Variants in JAZF1 observed in about 807,000 individuals in gnomAD.
JAZF1 encodes the protein juxtaposed with another zinc finger protein 1.
JAZF1 carries 8 observed loss-of-function variants against 26.4 expected under a neutral mutation model. That is an observed-to-expected ratio of 0.30 (90% CI 0.18 to 0.55). The LOEUF (loss-of-function observed/expected upper bound fraction) is 0.55, where lower values mean the gene tolerates loss of function less well. JAZF1 is among the 20% of genes least tolerant of loss of function. The probability of loss-of-function intolerance (pLI) is 0.94; values close to 1 mark genes in which losing one functional copy is unlikely to be tolerated. For missense variants in JAZF1, 199 were observed against 322.0 expected, an observed-to-expected ratio of 0.62 and a Z score of 2.92; for synonymous variants, 126 against 122.3, an observed-to-expected ratio of 1.03 and a Z score of -0.20.
At chr7:28,053,049 T>A (rs1464328328) in intron 1 of JAZF1, among the ~76,000 whole-genome samples, 3 of 152,238 alleles carry the variant, frequency 2.0e-5, no homozygotes, top group African/African-American at 7.2e-5. Context: ...CCACTTTAGA[T>A]ACATCATATG....
At chr7:28,103,288 A>G (rs529898172) in intron 1 of JAZF1, among the ~76,000 whole-genome samples, 32 of 152,042 alleles carry the variant, frequency 2.1e-4, no homozygotes, top group African/African-American at 7.5e-4. Context: ...AAAATTGCCC[A>G]CTGGATGCTG....
At chr7:28,120,498 G>GTTTTTTTTTTTTTTTT (rs1345204155) in intron 1 of JAZF1, among the ~76,000 whole-genome samples, 17 of 41,076 alleles carry the variant, frequency 4.1e-4, no homozygotes, top group East Asian at 3.3e-3. Context: ...GCCACACACA[G>GTTTTTTTTTTTTTTTT]TTCTTTTTTT....
At chr7:27,852,106 C>T (rs909022656) in intron 3 of JAZF1, among the ~76,000 whole-genome samples, 18 of 150,988 alleles carry the variant, frequency 1.2e-4, no homozygotes, top group African/African-American at 4.1e-4. Flanking sequence ...TTTTGACCAA[C>T]GTTTGCTTGC....
chr7:27,990,736 A>G (rs1002832211), intron 2 of JAZF1, among the ~76,000 whole-genome samples: 2 of 152,110 alleles, frequency 1.3e-5, no homozygotes, highest in African/African-American at 4.8e-5. Context: ...AAATTTCAAA[A>G]CCCTTGCTAA....
intron 1 of JAZF1, among the ~76,000 whole-genome samples, chr7:28,028,791 T>C (rs1478215306): frequency 1.3e-5 from 2 of 152,212 alleles, no homozygotes; most frequent in Non-Finnish European, 2.9e-5. Flanking sequence ...ATGATGGGGA[T>C]GCAAAAGTGA....
intron 3 of JAZF1, among the ~76,000 whole-genome samples, chr7:27,851,227 G>A (rs1583430167): frequency 6.6e-6 from 1 of 152,204 alleles, no homozygotes; most frequent in Non-Finnish European, 1.5e-5. Flanking sequence ...ACAGGCGTGA[G>A]CCACCAAGCC....
At chr7:27,839,572 C>A (rs146512936) in intron 4 of JAZF1, among the ~76,000 whole-genome samples, 1 of 152,248 alleles carries the variant, frequency 6.6e-6, no homozygotes, top group Admixed American at 6.5e-5. Context: ...CCAAATGCAG[C>A]GCTCCTCTGC....
intron 2 of JAZF1, chr7:27,914,649 T>A: frequency 2.2e-6 from 1 of 453,446 alleles, no homozygotes; most frequent in South Asian, 1.6e-5. Context: ...GAGTGCTGTG[T>A]GGCCAACATT....
At chr7:27,975,362 C>A (rs567009577) in intron 2 of JAZF1, among the ~76,000 whole-genome samples, 11 of 152,192 alleles carry the variant, frequency 7.2e-5, no homozygotes, top group African/African-American at 2.6e-4. Flanking sequence ...GAAATCCACC[C>A]CTATGATCCA....
chr7:28,180,528 C>T lies in JAZF1; in HGVS notation c.50G>A (p.Gly17Glu). Residue 17 changes from glycine (G) to glutamate (E), a missense_variant, in exon 1 of 5, where the codon GGG (glycine) becomes GAG (glutamate). By Grantham distance (98) the Gly-to-Glu change is moderately conservative (BLOSUM62 -2). This residue lies in a region of JAZF1 where 137 missense variants were observed against 184.8 expected (regional missense o/e 0.74). Coordinates refer to ENST00000283928, the MANE Select transcript of JAZF1 (RefSeq NM_175061.4). ...ASFFSNTCRF[G>E]GCGLHFPTLA... ...GGTGGGGAAGTGGAGTCCGCAGCCC[C>T]CGAATCGGCAGGTATTGGAGAAGAA... is the stretch of plus-strand genomic sequence containing the variant. 1 of 1,610,678 alleles carries T rather than the reference C, an allele frequency of 6.2e-7. No homozygotes were observed. Among genetic ancestry groups the T allele is most frequent in the Non-Finnish European group, 8.5e-7 (1 of 1,178,822 alleles).
chr7:28,071,738 T>C (rs1783981782), intron 1 of JAZF1: 1 of 445,578 alleles, frequency 2.2e-6, no homozygotes, highest in Non-Finnish European at 4.6e-6. Flanking sequence ...ACAGGCAACA[T>C]GGAAGGACAC....
intron 2 of JAZF1, among the ~76,000 whole-genome samples, chr7:27,924,032 G>C (rs1784573587): frequency 6.6e-6 from 1 of 152,158 alleles, no homozygotes; most frequent in Non-Finnish European, 1.5e-5. Context: ...TGGGGACGGG[G>C]ACTGAAAATG....
At chr7:28,054,250 T>C (rs1783661637) in intron 1 of JAZF1, among the ~76,000 whole-genome samples, 1 of 152,170 alleles carries the variant, frequency 6.6e-6, no homozygotes, top group Non-Finnish European at 1.5e-5. Context: ...TCTTATTTGC[T>C]CTAGCATAAA....
Position 28,180,505 on chromosome 7 carries a change from TG to T in JAZF1, c.72del (p.Thr25ProfsTer21). On this transcript the variant is annotated frameshift_variant, in exon 1 of 5. Coordinates refer to ENST00000283928, the MANE Select transcript of JAZF1 (RefSeq NM_175061.4). LOFTEE classifies it high-confidence loss of function. Reference protein sequence around the residue: ...CRFGGCGLHFPTLADLIEHIE... With the variant: ...CRFGGCGLHFXTLADLIEHIE... ...ATGTGCTCGATGAGGTCGGCCAGGG[TG>T]GGGAAGTGGAGTCCGCAGCCCCCGA... 6.2e-7 allele frequency: 1 copy of T among 1,602,850 alleles called. No individual in the cohort carries two copies. The highest frequency in any genetic ancestry group is 8.5e-7 in the Non-Finnish European group (1 of 1,175,968).
intron 2 of JAZF1, among the ~76,000 whole-genome samples, chr7:27,934,082 A>T (rs186959659): frequency 3.2e-4 from 49 of 152,326 alleles, no homozygotes; most frequent in Non-Finnish European, 6.5e-4. Context: ...GCTGGAAATG[A>T]TCATTAATTC....
intron 1 of JAZF1, among the ~76,000 whole-genome samples, chr7:28,000,196 A>T (rs1392604706): frequency 1.3e-5 from 2 of 152,122 alleles, no homozygotes; most frequent in African/African-American, 2.4e-5. Context: ...ACTTCAGAAG[A>T]GTGGTTCTGA....
At chr7:27,959,462 T>A in intron 2 of JAZF1, among the ~76,000 whole-genome samples, 1 of 152,364 alleles carries the variant, frequency 6.6e-6, no homozygotes, top group Non-Finnish European at 1.5e-5. Context: ...TGACATACTT[T>A]ACACTGCTAT....
intron 1 of JAZF1, among the ~76,000 whole-genome samples, chr7:28,079,343 T>A (rs1376980310): frequency 6.6e-6 from 1 of 152,076 alleles, no homozygotes; most frequent in Non-Finnish European, 1.5e-5. Flanking sequence ...ATCACCAAAT[T>A]CCATCACAGC....
chr7:27,839,429 G>GA (rs1782880712), intron 4 of JAZF1, among the ~76,000 whole-genome samples: 1 of 152,186 alleles, frequency 6.6e-6, no homozygotes, highest in South Asian at 2.1e-4. Flanking sequence ...CTGCCCTCTG[G>GA]AAAAATGGGC....
Sources: allele counts gnomAD v4.1 joint callset (sites outside exome capture counted in the v4.1 genomes callset), GRCh38; gene constraint gnomAD v4.1.1; regional missense constraint gnomAD v4.1.1; transcripts MANE v1.5; gene names NCBI Gene and HGNC (gene_info 2026-07-23, HGNC 2026-07-21).